Variants in PITPNC1 observed in about 807,000 individuals in gnomAD.
The protein encoded by PITPNC1 is phosphatidylinositol transfer protein cytoplasmic 1, also known as cytoplasmic phosphatidylinositol transfer protein 1.
PITPNC1 carries 18 observed loss-of-function variants against 44.7 expected under a neutral mutation model. The ratio of observed to expected loss-of-function variants is 0.40; its 90% CI spans 0.28 to 0.60. The LOEUF (loss-of-function observed/expected upper bound fraction) is 0.60, where lower values mean the gene tolerates loss of function less well. PITPNC1 is among the 20% of genes least tolerant of loss of function. PITPNC1 has a pLI of 0.39. For synonymous variants in PITPNC1, 141 were observed against 149.6 expected, an observed-to-expected ratio of 0.94 and a Z score of 0.42; for missense variants, 290 against 418.4, an observed-to-expected ratio of 0.69 and a Z score of 2.68.
chr17:67,566,897 C>A (rs1316137612), intron 4 of PITPNC1, among the ~76,000 whole-genome samples: 1 of 152,230 alleles, frequency 6.6e-6, no homozygotes, highest in South Asian at 2.1e-4. Context: ...GACAGCCTGG[C>A]TTGAATCCCA....
intron 1 of PITPNC1, among the ~76,000 whole-genome samples, chr17:67,463,042 A>G (rs568416816): frequency 6.6e-6 from 1 of 152,250 alleles, no homozygotes; most frequent in Admixed American, 6.5e-5. Flanking sequence ...ATTTAGCTTG[A>G]GCTCAACTAA....
intron 1 of PITPNC1, among the ~76,000 whole-genome samples, chr17:67,485,954 A>C (rs2039772757): frequency 6.6e-6 from 1 of 152,214 alleles, no homozygotes; most frequent in Admixed American, 6.5e-5. Context: ...TTACCCTAAC[A>C]TAAAAATGTA....
chr17:67,456,905 T>C (rs889282719), intron 1 of PITPNC1: 2 of 152,216 alleles, frequency 1.3e-5, no homozygotes, highest in African/African-American at 4.8e-5. Context: ...TGACTCTCTT[T>C]TAGCTTAGTA....
intron 1 of PITPNC1, among the ~76,000 whole-genome samples, chr17:67,424,171 A>G (rs2038710938): frequency 6.6e-6 from 1 of 151,920 alleles, no homozygotes; most frequent in Non-Finnish European, 1.5e-5. Context: ...AAAAGCAGGA[A>G]AACTAGCGAA....
intron 4 of PITPNC1, among the ~76,000 whole-genome samples, chr17:67,567,799 C>T (rs1416914568): frequency 6.6e-6 from 1 of 151,988 alleles, no homozygotes; most frequent in Non-Finnish European, 1.5e-5. Context: ...ATGGTGAAAC[C>T]CCATCTCTAC....
chr17:67,463,590 T>TA (rs1285704325), intron 1 of PITPNC1, among the ~76,000 whole-genome samples: 1 of 152,136 alleles, frequency 6.6e-6, no homozygotes, highest in African/African-American at 2.4e-5. Context: ...AATTCGGTAG[T>TA]AAAAATGGAA....
At chr17:67,662,445 CAAAAAAAAGA>C (rs2042362928) in intron 6 of PITPNC1, among the ~76,000 whole-genome samples, 1 of 151,104 alleles carries the variant, frequency 6.6e-6, no homozygotes. Flanking sequence ...AACTCCATCT[CAAAAAAAAGA>C]AGAAAGTGGT....
rs114516444 is a variant in PITPNC1 at position 67,622,985 on chromosome 17, T to C, written c.367-9158T>C. On this transcript the variant is annotated intron_variant, in intron 5 of 8. Coordinates refer to ENST00000581322, the MANE Select transcript of PITPNC1 (RefSeq NM_012417.4). ...ACCAAACCAGTAGCCACTTTGCCGG[T>C]GCAGAGCATGAGCGGGACAACATTG... Among the ~76,000 whole-genome samples, 552 of 152,182 alleles carry C rather than the reference T, an allele frequency of 3.6e-3. 2 individuals are homozygous for C. The highest frequency in any genetic ancestry group is 0.013 in the African/African-American group (531 of 41,516).
chr17:67,559,226 A>G (rs1370709211), intron 4 of PITPNC1, among the ~76,000 whole-genome samples: 1 of 152,140 alleles, frequency 6.6e-6, no homozygotes, highest in African/African-American at 2.4e-5. Flanking sequence ...ACTGTATTTC[A>G]TAACTAGGAA....
rs1041750753 is a variant in PITPNC1, at chr17:67,600,247, G to A, written c.366+21990G>A. Among the ~76,000 whole-genome samples the A allele has an allele frequency of 8.4e-4, 127 of 152,012 alleles. 1 individual carries two copies. Among genetic ancestry groups the A allele is most frequent in the African/African-American group, 3.0e-3 (123 of 41,374 alleles). On this transcript the variant is annotated intron_variant, in intron 5 of 8. Transcript: ENST00000581322. ...TGGTGTGAGGAGTCAGGGAGTGGAG[G>A]TGGAGAAAAAAAAGCAGCAACAGTG...
chr17:67,554,418 C>T (rs1018768402), intron 4 of PITPNC1, among the ~76,000 whole-genome samples: 10 of 151,986 alleles, frequency 6.6e-5, no homozygotes, highest in African/African-American at 2.2e-4. Flanking sequence ...CCACCACGCC[C>T]GGCTAATTTT....
rs535857627 is a variant in PITPNC1, at chr17:67,503,519, T to G, written c.49-29283T>G. 2.0e-5 allele frequency among the ~76,000 whole-genome samples: 3 copies of G among 152,210 alleles called. No homozygotes were observed. The South Asian group carries it at 6.2e-4, about 32-fold the overall frequency. ...TTCTCTGCAGCCCTTGTATTTTCTC[T>G]GTAGGGGACAAGGGAAAACTTACCC... On this transcript the variant is annotated intron_variant, in intron 1 of 8. Transcript: ENST00000581322.
At chr17:67,606,520 C>A (rs1189590852) in intron 5 of PITPNC1, among the ~76,000 whole-genome samples, 1 of 152,236 alleles carries the variant, frequency 6.6e-6, no homozygotes, top group African/African-American at 2.4e-5. Flanking sequence ...AGATGCAGGC[C>A]TGAGACCCCT....
At chr17:67,610,342 G>A (rs374202712) in intron 5 of PITPNC1, among the ~76,000 whole-genome samples, 8 of 152,308 alleles carry the variant, frequency 5.3e-5, no homozygotes, top group African/African-American at 1.9e-4. Flanking sequence ...AGGCTCTGTG[G>A]TCCTTGGCAC....
rs556625937 is a variant in PITPNC1, at chr17:67,471,195, T to C, written c.49-61607T>C. Among the ~76,000 whole-genome samples the C allele has an allele frequency of 4.7e-4, 22 of 46,500 alleles. No homozygotes were observed. The South Asian group carries it at 0.015, about 32-fold the overall frequency. 30.5% of individuals were successfully genotyped at this position (46,500 alleles called of 152,430 possible). ...CTCTGTGAGAAACACCCAAGAATTA[T>C]CAATAAAAAAATAAATTAAAAAAAA... On this transcript the variant is annotated intron_variant, in intron 1 of 8. Coordinates refer to ENST00000581322, the MANE Select transcript of PITPNC1 (RefSeq NM_012417.4).
chr17:67,520,336 T>C (rs2040309363), intron 1 of PITPNC1, among the ~76,000 whole-genome samples: 1 of 152,198 alleles, frequency 6.6e-6, no homozygotes, highest in Non-Finnish European at 1.5e-5. Context: ...AGCTCTATCT[T>C]GATTTTCCCT....
chr17:67,646,173 C>T (rs572363773), intron 6 of PITPNC1, among the ~76,000 whole-genome samples: 1 of 152,162 alleles, frequency 6.6e-6, no homozygotes, highest in Non-Finnish European at 1.5e-5. Flanking sequence ...TCCACCAGGT[C>T]CTCTGGCTAA....
intron 5 of PITPNC1, among the ~76,000 whole-genome samples, chr17:67,594,138 A>G (rs2041429133): frequency 6.6e-6 from 1 of 152,168 alleles, no homozygotes; most frequent in African/African-American, 2.4e-5. Context: ...GCCTTCGACC[A>G]AATAGGGTCC....
intron 1 of PITPNC1, among the ~76,000 whole-genome samples, chr17:67,389,589 A>G (rs116034063): frequency 2.3e-3 from 350 of 152,366 alleles, no homozygotes; most frequent in African/African-American, 7.8e-3. Context: ...GATGATGGCC[A>G]TAGTTGCACA....
Sources: gnomAD v4.1 joint callset for allele counts (sites outside exome capture counted in the v4.1 genomes callset) on GRCh38, gnomAD v4.1.1 for gene constraint, MANE v1.5 for transcripts, NCBI Gene and HGNC (gene_info 2026-07-23, HGNC 2026-07-21) for gene names.